TMEM132B: variants seen among roughly 807,000 people sequenced by gnomAD.
The protein encoded by TMEM132B is transmembrane protein 132B.
A neutral mutation model predicts 90.8 loss-of-function variants in TMEM132B; 18 were observed. The observed-to-expected ratio is 0.20, with a 90% confidence interval of 0.14 to 0.29. The LOEUF (loss-of-function observed/expected upper bound fraction) is 0.29, where lower values mean the gene tolerates loss of function less well. Among genes scored for constraint, TMEM132B ranks in the 10% least tolerant of loss-of-function variants. The probability of loss-of-function intolerance (pLI) is 1.00; values close to 1 mark genes in which losing one functional copy is unlikely to be tolerated. For synonymous variants in TMEM132B, 504 were observed against 523.3 expected (o/e 0.96, Z 0.50); for missense variants, 1,096 against 1,326.8 (o/e 0.83, Z 2.70).
At chr12:125,190,538 A>G (rs1593035125) in intron 1 of TMEM132B, among the ~76,000 whole-genome samples, 2 of 94,620 alleles carry the variant, frequency 2.1e-5, no homozygotes, top group African/African-American at 9.0e-5. Flanking sequence ...AGGGGTGGTG[A>G]TGGTGATGGT....
At chr12:125,196,763 T>C (rs1249699488) in intron 1 of TMEM132B, among the ~76,000 whole-genome samples, 1 of 152,066 alleles carries the variant, frequency 6.6e-6, no homozygotes, top group East Asian at 1.9e-4. Context: ...CATGAGATGA[T>C]AGTTGTGGAA....
chr12:125,300,409 C>T (rs913881334), intron 1 of TMEM132B, among the ~76,000 whole-genome samples: 1 of 152,138 alleles, frequency 6.6e-6, no homozygotes, highest in Non-Finnish European at 1.5e-5. Flanking sequence ...TGTAGGGAAG[C>T]TGAGCCAGCC....
chr12:125,411,109 T>TGAGTGGAGTGGAGTGGA (rs1879811290), intron 2 of TMEM132B, among the ~76,000 whole-genome samples: 1 of 15,700 alleles, frequency 6.4e-5, no homozygotes, highest in South Asian at 2.3e-3. Flanking sequence ...GTGGAGTGAG[T>TGAGTGGAGTGGAGTGGA]GGAGTGGAGT....
intron 3 of TMEM132B, among the ~76,000 whole-genome samples, chr12:125,491,295 T>A (rs1402216207): frequency 6.6e-6 from 1 of 151,768 alleles, no homozygotes; most frequent in Non-Finnish European, 1.5e-5. Flanking sequence ...ATTTTTAATT[T>A]AAAAAATTTA....
Position 125,459,057 on chromosome 12 carries a change from G to A in TMEM132B, c.1106+43380G>A, listed in dbSNP as rs1881369511. On this transcript the variant is annotated intron_variant, in intron 3 of 8. Coordinates refer to ENST00000682704, the MANE Select transcript of TMEM132B (RefSeq NM_001366854.1). The surrounding 1 kb of genome is among the most constrained non-coding windows in gnomAD (Gnocchi z 4.1). ...GACATCACCATTTGTCCACAGCAAAGCCCCTTTCAGAGCACCCCCGTCCAT... is the reference window on the plus strand; with the variant it reads ...GACATCACCATTTGTCCACAGCAAAACCCCTTTCAGAGCACCCCCGTCCAT... Among the ~76,000 whole-genome samples the A allele has an allele frequency of 6.6e-6, 1 of 152,186 alleles. No homozygotes were observed. The highest frequency in any genetic ancestry group is 2.4e-5 in the African/African-American group (1 of 41,442).
intron 1 of TMEM132B, among the ~76,000 whole-genome samples, chr12:125,287,948 A>C (rs566829614): frequency 6.6e-6 from 1 of 151,726 alleles, no homozygotes; most frequent in Admixed American, 6.6e-5. Context: ...GCTCACTGCA[A>C]CCTCTGCCTC....
chr12:125,260,362 T>G (rs1874535635), intron 1 of TMEM132B, among the ~76,000 whole-genome samples: 1 of 152,212 alleles, frequency 6.6e-6, no homozygotes. Flanking sequence ...GACTTATTTA[T>G]GTATGTTTTT....
chr12:125,381,504 A>G (rs191677918), intron 2 of TMEM132B, among the ~76,000 whole-genome samples: 8 of 152,276 alleles, frequency 5.3e-5, no homozygotes, highest in Admixed American at 3.3e-4. Context: ...TCCCTTCCCA[A>G]TTGGTTGAAG....
chr12:125,449,681 GT>G (rs5801598), intron 3 of TMEM132B, among the ~76,000 whole-genome samples: 3 of 147,822 alleles, frequency 2.0e-5, no homozygotes, highest in African/African-American at 2.5e-5. Context: ...AAATTGTGGG[GT>G]TTTTTTTTTG....
intron 4 of TMEM132B, among the ~76,000 whole-genome samples, chr12:125,563,520 C>T (rs576464139): frequency 5.5e-4 from 83 of 151,978 alleles, no homozygotes; most frequent in Middle Eastern, 3.4e-3. Flanking sequence ...GAGCTGAGAT[C>T]GCACCACTGC....
At chr12:125,449,458 T>C (rs1388559) in intron 3 of TMEM132B, among the ~76,000 whole-genome samples, 5,189 of 152,338 alleles carry the variant, frequency 0.034, 167 homozygotes, top group Admixed American at 0.1. Context: ...ATAACTTTTC[T>C]ATTTTCTGTT....
chr12:125,575,801 C>T (rs1278718359), intron 4 of TMEM132B, among the ~76,000 whole-genome samples: 1 of 151,964 alleles, frequency 6.6e-6, no homozygotes, highest in Non-Finnish European at 1.5e-5. Context: ...ATCCCAGCAT[C>T]ATTTGTTGAA....
At chr12:125,516,049 ATT>A (rs1201033247) in intron 3 of TMEM132B, among the ~76,000 whole-genome samples, 3 of 151,772 alleles carry the variant, frequency 2.0e-5, no homozygotes, top group Non-Finnish European at 2.9e-5. Flanking sequence ...ACATTCACGC[ATT>A]CTCTCACATA....
chr12:125,501,336 C>T (rs558534527), intron 3 of TMEM132B, among the ~76,000 whole-genome samples: 2 of 152,264 alleles, frequency 1.3e-5, no homozygotes, highest in East Asian at 3.9e-4. Context: ...ATGTCGTTTA[C>T]TTGAAATTCA....
At chr12:125,640,281 G>T (rs1191440706) in intron 5 of TMEM132B, among the ~76,000 whole-genome samples, 2 of 152,234 alleles carry the variant, frequency 1.3e-5, no homozygotes, top group Non-Finnish European at 2.9e-5. Context: ...GGTGAATGGA[G>T]GGCAGTGGAT....
intron 4 of TMEM132B, among the ~76,000 whole-genome samples, chr12:125,554,125 A>G (rs554671780): frequency 1.2e-4 from 19 of 152,292 alleles, no homozygotes; most frequent in African/African-American, 4.6e-4. Context: ...TTCTTTGTAT[A>G]AGATTTATCA....
chr12:125,460,245 C>T lies in TMEM132B; in HGVS notation c.1106+44568C>T, dbSNP rs2136469685. The stretch of plus-strand genomic sequence containing the variant: ...GTGGCTCACGCCTGTAATCCCAGCA[C>T]TTTGGGAGGCCGAGGTGGGTGGATC... On this transcript the variant is annotated intron_variant, in intron 3 of 8. Transcript: ENST00000682704. This position sits in a 1 kb window ranked among gnomAD's most constrained non-coding sequence, Gnocchi z 4.4. Among the ~76,000 whole-genome samples, 1 of 152,308 alleles carries T rather than the reference C, an allele frequency of 6.6e-6. No individual in the cohort carries two copies. The highest frequency in any genetic ancestry group is 1.5e-5 in the Non-Finnish European group (1 of 68,022).
At chr12:125,438,774 T>A (rs1278561986) in intron 3 of TMEM132B, among the ~76,000 whole-genome samples, 2 of 100,622 alleles carry the variant, frequency 2.0e-5, no homozygotes, top group East Asian at 6.0e-4. Flanking sequence ...CCACAGGCCG[T>A]GTTTTTTGGT....
intron 1 of TMEM132B, among the ~76,000 whole-genome samples, chr12:125,262,920 C>A (rs1874601119): frequency 1.3e-5 from 2 of 152,216 alleles, no homozygotes; most frequent in African/African-American, 4.8e-5. Context: ...TGGGGAGCAC[C>A]TTGCAGAGCC....
Sources: gnomAD v4.1 joint callset for allele counts (sites outside exome capture counted in the v4.1 genomes callset) on GRCh38, gnomAD v4.1.1 for gene constraint, Gnocchi (gnomAD v3.1) non-coding constraint, MANE v1.5 for transcripts, NCBI Gene and HGNC (gene_info 2026-07-23, HGNC 2026-07-21) for gene names.